Variants in RAVER2 observed in about 807,000 individuals in gnomAD.
RAVER2 encodes the protein ribonucleoprotein, PTB binding 2, also known as ribonucleoprotein PTB-binding 2.
A neutral mutation model predicts 78.1 loss-of-function variants in RAVER2; 46 were observed. The ratio of observed to expected loss-of-function variants is 0.59; its 90% confidence interval spans 0.46 to 0.75. The LOEUF (loss-of-function observed/expected upper bound fraction) is 0.75, where lower values mean the gene tolerates loss of function less well. RAVER2 is among the 30% of genes least tolerant of loss of function. The probability of loss-of-function intolerance (pLI) is 0.00; values close to 1 mark genes in which losing one functional copy is unlikely to be tolerated. For synonymous variants in RAVER2, 311 were observed against 313.3 expected (o/e 0.99, Z 0.08); for missense variants, 793 against 837.5 (o/e 0.95, Z 0.66).
intron 3 of RAVER2, 96 bp from the exon 4 acceptor site, chr1:64,781,284 C>A: frequency 8.8e-7 from 1 of 1,137,934 alleles, no homozygotes; most frequent in Non-Finnish European, 1.2e-6. Context: ...TATCATGCTC[C>A]AATGCACTTG....
chr1:64,807,152 T>C lies in RAVER2; in HGVS notation c.1412-54T>C, dbSNP rs188719396. 36 of 1,558,712 alleles carry C rather than the reference T, an allele frequency of 2.3e-5. 1 individual carries two copies. In the African/African-American group the frequency reaches 3.8e-4, roughly 17 times the overall value. ...TAACTTAACAAAATTAAAAGGACTA[T>C]TGTGAATAAATATTTTCTAACTAAA... On this transcript the variant is annotated intron_variant, in intron 8 of 11. Coordinates refer to ENST00000294428, the Ensembl canonical transcript of RAVER2.
chr1:64,821,449 G>T (rs1316989319), intron 11 of RAVER2, among the ~76,000 whole-genome samples: 2 of 152,082 alleles, frequency 1.3e-5, no homozygotes, highest in Non-Finnish European at 2.9e-5. Context: ...GTGGTGTCTT[G>T]TCATGAAATC....
chr1:64,753,587 G>A (rs1387276520), intron 1 of RAVER2, among the ~76,000 whole-genome samples: 2 of 141,528 alleles, frequency 1.4e-5, no homozygotes, highest in African/African-American at 2.6e-5. Context: ...GAGTGATCTC[G>A]GCTCACTGCA....
Position 64,745,268 on chromosome 1 carries a change from C to T in RAVER2, c.96C>T (p.Gly32=), listed in dbSNP as rs1320549703. 14 of 1,355,524 alleles carry T rather than the reference C, an allele frequency of 1.0e-5. No homozygotes were observed. The highest frequency in any genetic ancestry group is 1.6e-5 in the South Asian group (1 of 62,970). 84.0% of individuals were successfully genotyped at this position (1,355,524 alleles called of 1,614,324 possible). ...CGGGGCCGGGGCTGCGCGGGCAGGG[C>T]CCCTCAGCCGAAGCGCACGAGGGCG... The change falls in exon 1 of 12, where the codon GGC becomes GGT. Residue 32 remains glycine (G), a synonymous_variant. Coordinates refer to ENST00000294428, the Ensembl canonical transcript of RAVER2. This position sits in a 1 kb window ranked among gnomAD's most constrained non-coding sequence, Gnocchi z 4.3.
At chr1:64,750,151 A>T (rs1295140145) in intron 1 of RAVER2, among the ~76,000 whole-genome samples, 4 of 152,218 alleles carry the variant, frequency 2.6e-5, no homozygotes, top group Non-Finnish European at 5.9e-5. Flanking sequence ...AGTTAATTTG[A>T]GAAGCTTGAT....
rs554479993 is a variant in RAVER2, at chr1:64,745,376, C to T, written c.204C>T (p.Arg68=). Residue 68 remains arginine (R), a synonymous_variant, in exon 1 of 12, where the codon CGC becomes CGT. Coordinates refer to ENST00000294428, the Ensembl canonical transcript of RAVER2. The surrounding 1 kb of genome is among the most constrained non-coding windows in gnomAD (Gnocchi z 4.3). ...GGATGCAGCGGGAGCTGAGCAACCG[C>T]AGGAAAATCCTGGTGAAAAACCTGC... The T allele has an allele frequency of 6.5e-7, 1 of 1,543,700 alleles. No individual in the cohort carries two copies. Among genetic ancestry groups the T allele is most frequent in the African/African-American group, 1.4e-5 (1 of 72,732 alleles).
rs1207435293 is a variant in RAVER2, at chr1:64,793,531, A to AT, written c.1105+4024dup. Among the ~76,000 whole-genome samples the AT allele has an allele frequency of 2.6e-5, 4 of 152,298 alleles. No homozygotes were observed. The East Asian group carries it at 7.7e-4, about 29-fold the overall frequency. On this transcript the variant is annotated intron_variant, in intron 5 of 11. Transcript: ENST00000294428. ...GTAATCACTTGATAGTATAAACTGT[A>AT]TTTTTTTAGGATAAACTATTTTTAA...
chr1:64,814,253 C>T (rs999610358), intron 10 of RAVER2, among the ~76,000 whole-genome samples: 1 of 152,000 alleles, frequency 6.6e-6, no homozygotes, highest in Non-Finnish European at 1.5e-5. Context: ...CACCACCATT[C>T]CTGGCAAATT....
chr1:64,769,705 GGTCTC>G (rs985741397), intron 2 of RAVER2, among the ~76,000 whole-genome samples: 3 of 151,970 alleles, frequency 2.0e-5, no homozygotes, highest in Non-Finnish European at 4.4e-5. Context: ...TTTCAACCTA[GGTCTC>G]AGAGTGACTA....
In RAVER2 at chr1:64,822,275, G is replaced by A. The variant is rs191194558; in HGVS notation, c.1929+7435G>A. On this transcript the variant is annotated intron_variant, in intron 11 of 11. Transcript: ENST00000294428. The stretch of plus-strand genomic sequence containing the variant: ...TGCACTCCAGCCCAGGTGACAGAGC[G>A]AGACTCCGTCTCAAAAACAAACAAA... Among the ~76,000 whole-genome samples the A allele has an allele frequency of 2.8e-3, 423 of 152,300 alleles. 1 individual carries two copies. The highest frequency in any genetic ancestry group is 4.4e-3 in the Non-Finnish European group (300 of 68,030).
At chr1:64,820,378 C>T (rs1653855687) in intron 11 of RAVER2, among the ~76,000 whole-genome samples, 1 of 152,002 alleles carries the variant, frequency 6.6e-6, no homozygotes, top group Non-Finnish European at 1.5e-5. Flanking sequence ...AGACTGCATG[C>T]TCCATTTATA....
At chr1:64,804,790 A>C (rs377261219) in exon 7 of RAVER2, 101 of 1,551,934 alleles carry the variant, frequency 6.5e-5, no homozygotes, top group Non-Finnish European at 5.4e-5. Flanking sequence ...CTCATATACC[A>C]CTGGCACAAC....
intron 5 of RAVER2, among the ~76,000 whole-genome samples, chr1:64,790,070 C>T (rs1043553223): frequency 2.0e-5 from 3 of 152,198 alleles, no homozygotes; most frequent in East Asian, 1.9e-4. Context: ...AAGAGCTTAC[C>T]TTCTGTGCAT....
intron 5 of RAVER2, among the ~76,000 whole-genome samples, chr1:64,790,140 A>G (rs1169876910): frequency 1.3e-5 from 2 of 152,350 alleles, no homozygotes; most frequent in Admixed American, 1.3e-4. Context: ...GAGGAAATGA[A>G]TGCCTATACA....
At chr1:64,769,361 C>A (rs1429079844) in intron 2 of RAVER2, among the ~76,000 whole-genome samples, 1 of 151,990 alleles carries the variant, frequency 6.6e-6, no homozygotes, top group Non-Finnish European at 1.5e-5. Flanking sequence ...ATGAAATTCA[C>A]TTTCTACTAC....
chr1:64,803,059 C>T lies in RAVER2; in HGVS notation c.1189C>T (p.Gln397Ter). The T allele has an allele frequency of 2.5e-6, 4 of 1,579,730 alleles. No homozygotes were observed. In the South Asian group the frequency reaches 4.5e-5, roughly 18 times the overall value. Residue 397 changes from glutamine (Q) to a stop codon, truncating the protein, a stop_gained and splice_region_variant, in exon 6 of 12, where the codon CAG becomes TAG. Coordinates refer to ENST00000294428, the Ensembl canonical transcript of RAVER2. LOFTEE classifies it high-confidence loss of function. ...ATTTTTACATTTGAATAAAGCACAT[C>T]AGGTACATAAATAACATTGAGTACT...
intron 11 of RAVER2, among the ~76,000 whole-genome samples, chr1:64,823,356 T>C (rs747538664): frequency 2.6e-5 from 4 of 152,222 alleles, no homozygotes; most frequent in East Asian, 1.9e-4. Flanking sequence ...AGAATTGCCA[T>C]TGAGCTGTGA....
At chr1:64,750,622 TA>T (rs1357807050) in intron 1 of RAVER2, among the ~76,000 whole-genome samples, 5 of 152,220 alleles carry the variant, frequency 3.3e-5, no homozygotes, top group Non-Finnish European at 7.3e-5. Context: ...CTGTGGGATT[TA>T]AAAATGTACT....
chr1:64,747,253 T>G (rs1278040473), intron 1 of RAVER2, among the ~76,000 whole-genome samples: 4 of 152,328 alleles, frequency 2.6e-5, no homozygotes, highest in African/African-American at 9.6e-5. Context: ...TTTTAACAAT[T>G]TCCCTTAATT....
Sources: gnomAD v4.1 joint callset for allele counts (sites outside exome capture counted in the v4.1 genomes callset) on GRCh38, gnomAD v4.1.1 for gene constraint, Gnocchi (gnomAD v3.1) non-coding constraint, MANE v1.5 for transcripts, NCBI Gene and HGNC (gene_info 2026-07-23, HGNC 2026-07-21) for gene names.